DNAAF9: variants seen among roughly 807,000 people sequenced by gnomAD.
DNAAF9 encodes the protein dynein axonemal assembly factor 9.
Under a neutral mutation model 167.0 loss-of-function variants are expected in DNAAF9, and 90 were observed. The ratio of observed to expected loss-of-function variants is 0.54; its 90% CI spans 0.45 to 0.64. The LOEUF is 0.64. Among genes scored for constraint, DNAAF9 ranks in the 30% least tolerant of loss-of-function variants. The pLI, the probability that DNAAF9 is intolerant of heterozygous loss-of-function variation, is 0.00. For missense variants in DNAAF9, 1,315 were observed against 1,442.2 expected, an observed-to-expected ratio of 0.91 and a Z score of 1.43; for synonymous variants, 491 against 508.8, an observed-to-expected ratio of 0.96 and a Z score of 0.47.
chr20:3,277,160 G>T (rs1294996580), intron 29 of DNAAF9, among the ~76,000 whole-genome samples: 1 of 152,106 alleles, frequency 6.6e-6, no homozygotes, highest in Non-Finnish European at 1.5e-5. Context: ...TTGACCACTG[G>T]CCCACTTGGA....
chr20:3,375,010 G>C lies in DNAAF9; in HGVS notation c.505+20C>G, dbSNP rs1469220750. On this transcript the variant is annotated intron_variant, in intron 5 of 36. Transcript: ENST00000252032. ...CACCACCTAAGCAAGGTTCTAGAAG[G>C]CTTGCTGTCAGATACTCACCTTGGG... 1 of 1,342,784 alleles carries C rather than the reference G, an allele frequency of 7.4e-7. No individual in the cohort carries two copies. The highest frequency in any genetic ancestry group is 1.2e-5 in the South Asian group (1 of 84,824). The allele number at this position is 1,342,784 out of a possible 1,614,324, so 83.2% of individuals were successfully genotyped here. A position where few individuals can be genotyped will look rare whatever the true frequency, so the allele number is the denominator to read the frequency against.
rs554078308 is a variant in DNAAF9 at position 3,348,381 on chromosome 20, A to G, written c.789+144T>C. ...TTATAAAGGGTTGGCATGGGGGGGA[A>G]CTACTTTATGGTATACAACACAGCT... On this transcript the variant is annotated intron_variant, in intron 8 of 36. Transcript: ENST00000252032. 4.2e-4 allele frequency: 175 copies of G among 418,638 alleles called. 1 individual carries two copies. In the South Asian group the frequency reaches 0.013, roughly 32 times the overall value. 25.9% of individuals were successfully genotyped at this position (418,638 alleles called of 1,614,324 possible).
At chr20:3,392,588 A>G (rs956018937) in intron 1 of DNAAF9, among the ~76,000 whole-genome samples, 4 of 152,204 alleles carry the variant, frequency 2.6e-5, no homozygotes, top group Non-Finnish European at 5.9e-5. Flanking sequence ...TGGGTACAAT[A>G]TATGTGAATT....
At chr20:3,310,333 A>AAGAAAGAAAGAAAG (rs1555790605) in intron 20 of DNAAF9, among the ~76,000 whole-genome samples, 58 of 106,180 alleles carry the variant, frequency 5.5e-4, no homozygotes, top group African/African-American at 2.1e-3. Context: ...AAGAGAAAGA[A>AAGAAAGAAAGAAAG]AAAGAAAGAA....
rs569326523 is a variant in DNAAF9, at chr20:3,407,619, G to A, written c.-62C>T. The A allele has an allele frequency of 1.6e-4, 197 of 1,197,946 alleles. No homozygotes were observed. The African/African-American group carries it at 2.2e-3, about 13-fold the overall frequency. 74.2% of individuals were successfully genotyped at this position (1,197,946 alleles called of 1,614,324 possible). A position where few individuals can be genotyped will look rare whatever the true frequency, so the allele number is the denominator to read the frequency against. On this transcript the variant is annotated 5_prime_UTR_variant, in exon 1 of 37. Transcript: ENST00000252032. ...GCTGCGAGGGTCTCAGTTGCCCGCA[G>A]GGCGGCTCCACGCTAGCTGCGGCCG...
rs561416963 is a variant in DNAAF9, at chr20:3,278,816, T to G, written c.2650+96A>C. ...TCTGACCAATTTTGTTTGCTTTAGA[T>G]TTCAGAATGGTAGGTAAGAGCACGA... is the stretch of plus-strand genomic sequence containing the variant. On this transcript the variant is annotated intron_variant, in intron 29 of 36. Coordinates refer to ENST00000252032, the MANE Select transcript of DNAAF9 (RefSeq NM_001009984.3). 3.8e-5 allele frequency: 36 copies of G among 954,150 alleles called. No homozygotes were observed. In the African/African-American group the frequency reaches 5.1e-4, roughly 14 times the overall value. The allele number at this position is 954,150 out of a possible 1,614,324, so 59.1% of individuals were successfully genotyped here. A position where few individuals can be genotyped will look rare whatever the true frequency, so the allele number is the denominator to read the frequency against.
At chr20:3,361,373 G>A (rs755258160) in intron 6 of DNAAF9, among the ~76,000 whole-genome samples, 1 of 151,328 alleles carries the variant, frequency 6.6e-6, no homozygotes, top group East Asian at 1.9e-4. Context: ...TAAACCAGGG[G>A]TGCAGGCAAA....
chr20:3,360,229 T>C (rs2083342826), intron 6 of DNAAF9: 1 of 152,244 alleles, frequency 6.6e-6, no homozygotes, highest in Non-Finnish European at 1.5e-5. Context: ...TGATACAATA[T>C]GCTTCTATCA....
At chr20:3,270,673 C>T in intron 29 of DNAAF9, 111 bp from the exon 30 acceptor site, 1 of 842,570 alleles carries the variant, frequency 1.2e-6, no homozygotes, top group Non-Finnish European at 1.9e-6. Context: ...CAGTAGTCTC[C>T]TGATGGAGAC....
At chr20:3,290,284 G>A in intron 25 of DNAAF9, 67 bp from the exon 26 acceptor site, 1 of 1,022,242 alleles carries the variant, frequency 9.8e-7, no homozygotes, top group Non-Finnish European at 1.6e-6. Flanking sequence ...GAGGTTAAGA[G>A]AACTGACTTC....
At chr20:3,260,108 G>C (rs1436441071) in intron 31 of DNAAF9, 80 bp from the exon 32 acceptor site, 2 of 728,496 alleles carry the variant, frequency 2.7e-6, no homozygotes, top group African/African-American at 3.5e-5. Flanking sequence ...GGGAGGCCGA[G>C]GCGGGTGGAT....
In DNAAF9 at chr20:3,382,402, GTCCCACCTTGTTA is replaced by G. The variant is rs745776972; in HGVS notation, c.163+12_163+24del. Reference sequence around the variant, plus strand: ...AAAAGCCAAGTTGCCCAAGCCCTGAGTCCCACCTTGTTAAAAGCACTGACCTAGGATGCAGAGG... The same window carrying G: ...AAAAGCCAAGTTGCCCAAGCCCTGAGAAAGCACTGACCTAGGATGCAGAGG... On this transcript the variant is annotated intron_variant, in intron 2 of 36. Transcript: ENST00000252032. 20 of 1,593,680 alleles carry G rather than the reference GTCCCACCTTGTTA, an allele frequency of 1.3e-5. No homozygotes were observed. The highest frequency in any genetic ancestry group is 1.6e-5 in the Non-Finnish European group (19 of 1,161,808).
At chr20:3,361,688 C>G (rs771282106) in intron 6 of DNAAF9, among the ~76,000 whole-genome samples, 3 of 152,214 alleles carry the variant, frequency 2.0e-5, no homozygotes, top group Non-Finnish European at 4.4e-5. Context: ...TTTGTTATAG[C>G]ACAACTTATA....
At chr20:3,254,699 C>G (rs900313055) in intron 35 of DNAAF9, among the ~76,000 whole-genome samples, 16 of 152,130 alleles carry the variant, frequency 1.1e-4, no homozygotes, top group African/African-American at 3.6e-4. Flanking sequence ...GACTCTGTGT[C>G]CTTTTTAGCT....
intron 11 of DNAAF9, 108 bp from the exon 12 acceptor site, chr20:3,330,790 A>AATT: frequency 2.3e-6 from 1 of 431,042 alleles, no homozygotes; most frequent in Non-Finnish European, 4.0e-6. Context: ...CAAGAACTAC[A>AATT]CTTTTTTTTT....
At chr20:3,303,614 T>TG (rs2069233065) in intron 21 of DNAAF9, among the ~76,000 whole-genome samples, 2 of 152,250 alleles carry the variant, frequency 1.3e-5, no homozygotes, top group Admixed American at 6.5e-5. Flanking sequence ...CCTTTAAGGC[T>TG]GCAGGCTCTA....
At chr20:3,367,051 ACTAT>A (rs1159989150) in intron 6 of DNAAF9, among the ~76,000 whole-genome samples, 3 of 152,372 alleles carry the variant, frequency 2.0e-5, no homozygotes, top group Non-Finnish European at 4.4e-5. Flanking sequence ...ACCTTCATCA[ACTAT>A]CTGAGGCAGA....
chr20:3,336,811 G>A (rs879466997), intron 10 of DNAAF9, among the ~76,000 whole-genome samples: 1 of 151,808 alleles, frequency 6.6e-6, no homozygotes, highest in Admixed American at 6.6e-5. Flanking sequence ...CCAAAGTGCA[G>A]GGATTAAAGT....
intron 6 of DNAAF9, among the ~76,000 whole-genome samples, chr20:3,366,743 G>A (rs968976066): frequency 2.0e-5 from 3 of 151,902 alleles, no homozygotes; most frequent in Non-Finnish European, 2.9e-5. Flanking sequence ...CTGGCAACAC[G>A]GTGAGACCCC....
Sources: allele counts gnomAD v4.1 joint callset (sites outside exome capture counted in the v4.1 genomes callset), GRCh38; gene constraint gnomAD v4.1.1; transcripts MANE v1.5; gene names NCBI Gene and HGNC (gene_info 2026-07-23, HGNC 2026-07-21).